Variants in SLC25A13 observed in about 807,000 individuals in gnomAD.
The protein encoded by SLC25A13 is electrogenic aspartate/glutamate antiporter SLC25A13, mitochondrial.
Under a neutral mutation model 85.5 loss-of-function variants are expected in SLC25A13, and 70 were observed. That is an observed-to-expected ratio of 0.82 (90% CI 0.68 to 1.00). The LOEUF (loss-of-function observed/expected upper bound fraction) is 1.00. SLC25A13 is among the 50% of genes least tolerant of loss of function. SLC25A13 has a pLI of 0.00. For missense variants in SLC25A13, 765 were observed against 819.8 expected (o/e 0.93, Z 0.82); for synonymous variants, 259 against 288.7 (o/e 0.90, Z 1.04).
chr7:96,244,964 A>G (rs939634017), intron 3 of SLC25A13, among the ~76,000 whole-genome samples: 1 of 152,086 alleles, frequency 6.6e-6, no homozygotes. Flanking sequence ...AAGTATATAT[A>G]TATATATATA....
rs11433644 is a variant in SLC25A13 at position 96,141,019 on chromosome 7, C to CTTT, written c.1452+5534_1452+5536dup. 4.8e-3 allele frequency among the ~76,000 whole-genome samples: 596 copies of CTTT among 124,662 alleles called. 7 individuals are homozygous for CTTT. The highest frequency in any genetic ancestry group is 8.4e-3 in the Non-Finnish European group (510 of 60,546). The allele number at this position is 124,662 out of a possible 152,430, so 81.8% of individuals were successfully genotyped here. A position where few individuals can be genotyped will look rare whatever the true frequency, so the allele number is the denominator to read the frequency against. On this transcript the variant is annotated intron_variant, in intron 14 of 17. Transcript: ENST00000265631. ...TTGCGCATTCCTTTCTTTTTTCTTTCTTTTTTTTTTTTTTTTTTAGACACA... is the reference window on the plus strand; with the variant it reads ...TTGCGCATTCCTTTCTTTTTTCTTTCTTTTTTTTTTTTTTTTTTTTTAGACACA...
At chr7:96,296,628 G>T (rs531718894) in intron 2 of SLC25A13, among the ~76,000 whole-genome samples, 1 of 151,922 alleles carries the variant, frequency 6.6e-6, no homozygotes, top group Non-Finnish European at 1.5e-5. Context: ...TTACAGGCAC[G>T]TGCCACCACA....
At chr7:96,309,817 C>T (rs771287978) in intron 1 of SLC25A13, 2 of 152,190 alleles carry the variant, frequency 1.3e-5, no homozygotes, top group Admixed American at 6.5e-5. Context: ...GTCCCCCACA[C>T]CTAATTCATA....
At chr7:96,228,581 C>A (rs571680514) in intron 4 of SLC25A13, among the ~76,000 whole-genome samples, 1 of 152,230 alleles carries the variant, frequency 6.6e-6, no homozygotes, top group African/African-American at 2.4e-5. Flanking sequence ...GCTCTAGGCG[C>A]CTCCTCGGCC....
chr7:96,227,134 A>G (rs1796353866), intron 4 of SLC25A13, among the ~76,000 whole-genome samples: 2 of 152,232 alleles, frequency 1.3e-5, no homozygotes, highest in African/African-American at 4.8e-5. Context: ...TGAGGTACTT[A>G]GCACTGATTC....
chr7:96,278,162 C>T (rs959720406), intron 2 of SLC25A13, among the ~76,000 whole-genome samples: 3 of 152,168 alleles, frequency 2.0e-5, no homozygotes, highest in Non-Finnish European at 4.4e-5. Context: ...GGCAGAAATG[C>T]TGAGAAACGA....
At chr7:96,202,952 G>A (rs1795315475) in intron 5 of SLC25A13, among the ~76,000 whole-genome samples, 1 of 152,068 alleles carries the variant, frequency 6.6e-6, no homozygotes, top group South Asian at 2.1e-4. Flanking sequence ...ATCCCTGTAA[G>A]TTCTCTTGAC....
intron 14 of SLC25A13, among the ~76,000 whole-genome samples, chr7:96,141,319 G>A (rs766704777): frequency 4.7e-4 from 72 of 152,110 alleles, no homozygotes; most frequent in Non-Finnish European, 2.8e-4. Flanking sequence ...CACCATGCTC[G>A]GCCATATCTT....
intron 2 of SLC25A13, among the ~76,000 whole-genome samples, chr7:96,291,943 T>C (rs1449097060): frequency 1.3e-5 from 2 of 152,188 alleles, no homozygotes; most frequent in African/African-American, 4.8e-5. Flanking sequence ...CCAGCCATCA[T>C]CCTGATACCA....
chr7:96,168,279 A>G (rs376245490), intron 13 of SLC25A13, among the ~76,000 whole-genome samples: 23 of 151,700 alleles, frequency 1.5e-4, no homozygotes, highest in Admixed American at 4.6e-4. Context: ...ATTGGGGGGG[A>G]AAAAGGCAAG....
At chr7:96,154,726 C>A (rs560788588) in intron 13 of SLC25A13, among the ~76,000 whole-genome samples, 1 of 151,788 alleles carries the variant, frequency 6.6e-6, no homozygotes, top group East Asian at 1.9e-4. Context: ...ATGAGTAATG[C>A]GATGGTTTAC....
chr7:96,306,735 G>A, intron 1 of SLC25A13: 1 of 1,059,270 alleles, frequency 9.4e-7, no homozygotes, highest in East Asian at 2.5e-5. Flanking sequence ...CTTCTCTTTT[G>A]TGCCCTTCAT....
At chr7:96,318,888 G>A (rs1211043389) in intron 1 of SLC25A13, among the ~76,000 whole-genome samples, 4 of 152,198 alleles carry the variant, frequency 2.6e-5, no homozygotes, top group African/African-American at 4.8e-5. Context: ...AGTCCATTGA[G>A]GTGAAGTCCT....
intron 4 of SLC25A13, among the ~76,000 whole-genome samples, chr7:96,231,417 A>C (rs867928713): frequency 2.6e-5 from 4 of 152,200 alleles, no homozygotes; most frequent in Middle Eastern, 3.4e-3. Flanking sequence ...CCAGGAAAAA[A>C]CAACCCCATT....
At chr7:96,314,696 C>T (rs1233737151) in intron 1 of SLC25A13, among the ~76,000 whole-genome samples, 5 of 152,066 alleles carry the variant, frequency 3.3e-5, no homozygotes, top group Admixed American at 3.3e-4. Context: ...AGGAATGGTT[C>T]CCTCTAAGAA....
intron 15 of SLC25A13, among the ~76,000 whole-genome samples, chr7:96,130,862 A>C (rs981439703): frequency 2.0e-5 from 3 of 152,216 alleles, no homozygotes; most frequent in Non-Finnish European, 4.4e-5. Flanking sequence ...GGAGCTACAC[A>C]GGTTCCTGCA....
chr7:96,319,801 A>G (rs1016483839), intron 1 of SLC25A13, among the ~76,000 whole-genome samples: 1 of 152,208 alleles, frequency 6.6e-6, no homozygotes, highest in Non-Finnish European at 1.5e-5. Context: ...GTGAGCCATC[A>G]GATATCACAG....
intron 5 of SLC25A13, among the ~76,000 whole-genome samples, chr7:96,203,420 T>A (rs1311260185): frequency 6.6e-6 from 1 of 152,090 alleles, no homozygotes; most frequent in East Asian, 1.9e-4. Flanking sequence ...TGCCAGAGAT[T>A]TAGAAAAATT....
At chr7:96,188,025 T>C (rs1794702835) in intron 9 of SLC25A13, among the ~76,000 whole-genome samples, 2 of 152,052 alleles carry the variant, frequency 1.3e-5, no homozygotes, top group Non-Finnish European at 2.9e-5. Flanking sequence ...GCAAAGAGCT[T>C]AAAGGAAAAA....
Sources: allele counts gnomAD v4.1 joint callset (sites outside exome capture counted in the v4.1 genomes callset), GRCh38; gene constraint gnomAD v4.1.1; transcripts MANE v1.5; gene names NCBI Gene and HGNC (gene_info 2026-07-23, HGNC 2026-07-21).